CDH20: variants seen among roughly 807,000 people sequenced by gnomAD.
CDH20 encodes cadherin-20.
A neutral mutation model predicts 74.2 loss-of-function variants in CDH20; 29 were observed. That is an observed-to-expected ratio of 0.39 (90% CI 0.29 to 0.53). The LOEUF (loss-of-function observed/expected upper bound fraction) is 0.53, where lower values mean the gene tolerates loss of function less well. Among genes scored for constraint, CDH20 ranks in the 20% least tolerant of loss-of-function variants. CDH20 has a pLI of 0.69. For missense variants in CDH20, 988 were observed against 1,048.3 expected (o/e 0.94, Z 0.79); for synonymous variants, 469 against 405.4 (o/e 1.16, Z -1.88).
At chr18:61,399,465 G>A (rs1391529238) in intron 1 of CDH20, among the ~76,000 whole-genome samples, 2 of 152,084 alleles carry the variant, frequency 1.3e-5, no homozygotes, top group Non-Finnish European at 1.5e-5. Flanking sequence ...TCAATATTAT[G>A]ATTCATTTTA....
At chr18:61,440,151 G>A (rs73447398) in intron 1 of CDH20, among the ~76,000 whole-genome samples, 1,696 of 152,210 alleles carry the variant, frequency 0.011, 30 homozygotes, top group African/African-American at 0.039. Context: ...GCAGAGCCTC[G>A]AGTAGTGTAG....
At chr18:61,374,794 AC>A (rs1911161292) in intron 1 of CDH20, among the ~76,000 whole-genome samples, 1 of 152,066 alleles carries the variant, frequency 6.6e-6, no homozygotes, top group African/African-American at 2.4e-5. Flanking sequence ...AGCAAGCACA[AC>A]CAGAAGACAC....
chr18:61,363,928 G>A (rs923671395), intron 1 of CDH20, among the ~76,000 whole-genome samples: 3 of 152,134 alleles, frequency 2.0e-5, no homozygotes, highest in African/African-American at 7.2e-5. Context: ...AAAGAATAGA[G>A]AGAATGAAAA....
At chr18:61,448,024 A>G (rs930999127) in intron 1 of CDH20, among the ~76,000 whole-genome samples, 2 of 152,176 alleles carry the variant, frequency 1.3e-5, no homozygotes, top group African/African-American at 4.8e-5. Context: ...TTAACTAGCT[A>G]TATAAACCTG....
chr18:61,492,154 T>G (rs983530827), intron 2 of CDH20, among the ~76,000 whole-genome samples: 4 of 151,900 alleles, frequency 2.6e-5, no homozygotes, highest in Non-Finnish European at 5.9e-5. Flanking sequence ...GAAACTCTTG[T>G]TTTTTTTCTC....
At chr18:61,498,000 C>G (rs1441800306) in intron 2 of CDH20, among the ~76,000 whole-genome samples, 1 of 152,186 alleles carries the variant, frequency 6.6e-6, no homozygotes, top group Non-Finnish European at 1.5e-5. Context: ...GTTCTTGCCA[C>G]CCATACATAC....
Position 61,333,506 on chromosome 18 carries a change from AG to A in CDH20, c.-469del. On this transcript the variant is annotated 5_prime_UTR_variant, in exon 1 of 12. Transcript: ENST00000262717. ...CGCTCGGGGGACGGTGACCGCGACC[AG>A]GGGGCTCTTCTCACTGGACAGGCCG... The A allele has an allele frequency of 6.6e-6, 1 of 152,446 alleles. No individual in the cohort carries two copies. Among genetic ancestry groups the A allele is most frequent in the Non-Finnish European group, 1.5e-5 (1 of 68,162 alleles). 9.4% of individuals were successfully genotyped at this position (152,446 alleles called of 1,614,324 possible). A position where few individuals can be genotyped will look rare whatever the true frequency, so the allele number is the denominator to read the frequency against.
At chr18:61,457,572 GTC>G (rs1909616482) in intron 1 of CDH20, among the ~76,000 whole-genome samples, 1 of 152,080 alleles carries the variant, frequency 6.6e-6, no homozygotes, top group East Asian at 1.9e-4. Flanking sequence ...TCAATGCCAG[GTC>G]TGTTTCCTCA....
rs554496346 is a variant in CDH20, at chr18:61,538,940, C to T, written c.1409-84C>T. On this transcript the variant is annotated intron_variant, in intron 8 of 11. Transcript: ENST00000262717. ...AGCCACTGCGCCCAGTCGTAAATAC[C>T]GACTTCTAGCAAAAACCATTACTCT... 89 of 1,517,042 alleles carry T rather than the reference C, an allele frequency of 5.9e-5. No individual in the cohort carries two copies. In the East Asian group the frequency reaches 1.6e-3, roughly 27 times the overall value. The allele number at this position is 1,517,042 out of a possible 1,614,324, so 94.0% of individuals were successfully genotyped here.
chr18:61,380,469 G>A (rs74664431), intron 1 of CDH20, among the ~76,000 whole-genome samples: 8 of 152,286 alleles, frequency 5.3e-5, no homozygotes, highest in African/African-American at 1.7e-4. Flanking sequence ...AGAAATTAAA[G>A]CCAGTCCATA....
chr18:61,341,118 C>A (rs758537654), intron 1 of CDH20, among the ~76,000 whole-genome samples: 11 of 152,142 alleles, frequency 7.2e-5, no homozygotes, highest in Non-Finnish European at 1.3e-4. Flanking sequence ...ACCTCCCACA[C>A]GGGTGCCAAT....
At chr18:61,349,393 T>A (rs771957617) in intron 1 of CDH20, among the ~76,000 whole-genome samples, 1 of 152,188 alleles carries the variant, frequency 6.6e-6, no homozygotes, top group Non-Finnish European at 1.5e-5. Flanking sequence ...TCTGAATATG[T>A]CTTCCCAGGT....
At chr18:61,349,367 C>A (rs1389262841) in intron 1 of CDH20, among the ~76,000 whole-genome samples, 1 of 152,138 alleles carries the variant, frequency 6.6e-6, no homozygotes, top group Non-Finnish European at 1.5e-5. Flanking sequence ...ACAGGCTGAA[C>A]CCAGAGGACT....
At chr18:61,526,496 CT>C (rs1568177276) in intron 6 of CDH20, among the ~76,000 whole-genome samples, 1 of 152,074 alleles carries the variant, frequency 6.6e-6, no homozygotes, top group African/African-American at 2.4e-5. Flanking sequence ...TAAGTTATTG[CT>C]ATGTTGACAC....
At chr18:61,400,277 G>A (rs1198564032) in intron 1 of CDH20, among the ~76,000 whole-genome samples, 1 of 152,182 alleles carries the variant, frequency 6.6e-6, no homozygotes, top group African/African-American at 2.4e-5. Context: ...GGCCTCTCCA[G>A]CCTGCTAATG....
intron 1 of CDH20, among the ~76,000 whole-genome samples, chr18:61,360,356 GA>G (rs1337003049): frequency 6.6e-6 from 1 of 152,146 alleles, no homozygotes; most frequent in Non-Finnish European, 1.5e-5. Context: ...ATGGATGGGG[GA>G]AAAATGCATT....
intron 8 of CDH20, 27 bp downstream of exon 8, chr18:61,536,656 A>G (rs368822298): frequency 1.5e-5 from 24 of 1,604,552 alleles, no homozygotes; most frequent in Non-Finnish European, 2.0e-5. Context: ...GTTGGTCTCC[A>G]TGCAGTGACA....
At chr18:61,516,051 C>G (rs1046201414) in intron 6 of CDH20, among the ~76,000 whole-genome samples, 16 of 152,312 alleles carry the variant, frequency 1.1e-4, no homozygotes, top group Non-Finnish European at 1.6e-4. Flanking sequence ...CTTGCATGGG[C>G]AGTAACAACT....
chr18:61,502,915 G>A, intron 4 of CDH20, 38 bp from the exon 5 acceptor site: 2 of 1,547,136 alleles, frequency 1.3e-6, no homozygotes, highest in East Asian at 2.3e-5. Flanking sequence ...TGGACCTGTG[G>A]TTTTATTTTT....
Sources: allele counts gnomAD v4.1 joint callset (sites outside exome capture counted in the v4.1 genomes callset), GRCh38; gene constraint gnomAD v4.1.1; transcripts MANE v1.5; gene names NCBI Gene and HGNC (gene_info 2026-07-23, HGNC 2026-07-21).